Variants in ADCY4 observed in about 807,000 individuals in gnomAD.
ADCY4 encodes the protein adenylate cyclase 4, also known as adenylate cyclase type 4.
Under a neutral mutation model 125.5 loss-of-function variants are expected in ADCY4, and 111 were observed. That is an observed-to-expected ratio of 0.88 (90% CI 0.76 to 1.04). The LOEUF is 1.04. Among genes scored for constraint, ADCY4 ranks in the 50% least tolerant of loss-of-function variants. The pLI, the probability that ADCY4 is intolerant of heterozygous loss-of-function variation, is 0.00. For synonymous variants in ADCY4, 576 were observed against 586.9 expected, an observed-to-expected ratio of 0.98 and a Z score of 0.27; for missense variants, 1,256 against 1,382.9, an observed-to-expected ratio of 0.91 and a Z score of 1.46.
rs2041821897 is a variant in ADCY4 at position 24,319,600 on chromosome 14, G to C, written c.2733+142C>G. The C allele has an allele frequency of 8.0e-7, 1 of 1,252,230 alleles. No homozygotes were observed. The highest frequency in any genetic ancestry group is 2.5e-5 in the East Asian group (1 of 40,532). The allele number at this position is 1,252,230 out of a possible 1,614,324, so 77.6% of individuals were successfully genotyped here. ...GTGGGCAGTGTTGCTGGAGTGGGTA[G>C]ATCTGGGGGATCAGAGGAGGTGAGG... On this transcript the variant is annotated intron_variant, in intron 21 of 24. Transcript: ENST00000418030. The surrounding 1 kb of genome is among the most constrained non-coding windows in gnomAD (Gnocchi z 4.5).
At chr14:24,325,294 G>A (rs1450531769) in intron 14 of ADCY4, 83 bp downstream of exon 14, 3 of 1,179,722 alleles carry the variant, frequency 2.5e-6, no homozygotes, top group South Asian at 1.3e-5. Flanking sequence ...AAGGGGTGAA[G>A]GAAGAAAGTG....
rs149539471 is a variant in ADCY4, at chr14:24,332,869, G to C, written c.279C>G (p.Ser93=). ...QRLQRWTRPL[S]GLVWVALLAL... ...CTAGCAGCGCGACCCATACCAAGCC[G>C]GACAGGGGACGCGTCCAGCGCTGCA... is the stretch of plus-strand genomic sequence containing the variant. Residue 93 remains serine (S), a synonymous_variant, in exon 2 of 25, where the codon TCC becomes TCG. Coordinates refer to ENST00000418030, the MANE Select transcript of ADCY4 (RefSeq NM_001198568.2). 59 of 1,605,358 alleles carry C rather than the reference G, an allele frequency of 3.7e-5. No homozygotes were observed. In the African/African-American group the frequency reaches 7.2e-4, roughly 20 times the overall value.
At chr14:24,323,727 G>T in intron 16 of ADCY4, 2 of 902,360 alleles carry the variant, frequency 2.2e-6, no homozygotes, top group Non-Finnish European at 2.7e-6. Context: ...TTCTTCTTCT[G>T]TAACTTGGCT....
At chr14:24,333,552 T>C (rs2042084744) in intron 1 of ADCY4, among the ~76,000 whole-genome samples, 1 of 152,232 alleles carries the variant, frequency 6.6e-6, no homozygotes, top group African/African-American at 2.4e-5. Flanking sequence ...CCTATTATCT[T>C]GCTGGGACAG....
chr14:24,331,176 G>A (rs1416130876), intron 5 of ADCY4, 32 bp downstream of exon 5: 3 of 1,613,812 alleles, frequency 1.9e-6, no homozygotes, highest in East Asian at 2.2e-5. Flanking sequence ...TTAGCCCACA[G>A]GCCCCTCCCC....
intron 23 of ADCY4, 110 bp from the exon 24 acceptor site, chr14:24,318,888 G>GCC: frequency 6.8e-7 from 1 of 1,460,928 alleles, no homozygotes; most frequent in Non-Finnish European, 9.4e-7. Context: ...AGGAGAGGAG[G>GCC]GGTCTCTAAG....
intron 17 of ADCY4, 113 bp from the exon 18 acceptor site, chr14:24,323,201 G>A (rs1223290595): frequency 2.1e-6 from 3 of 1,404,744 alleles, no homozygotes; most frequent in East Asian, 5.0e-5. Flanking sequence ...GAGACAGGGG[G>A]CATCATACAC....
chr14:24,320,482 G>A (rs1260870067), intron 20 of ADCY4, among the ~76,000 whole-genome samples: 1 of 152,220 alleles, frequency 6.6e-6, no homozygotes, highest in African/African-American at 2.4e-5. Context: ...CCTTGTGTCT[G>A]TAAGAGAAGA....
At chr14:24,325,941 G>C in intron 12 of ADCY4, 54 bp from the exon 13 acceptor site, 1 of 1,580,096 alleles carries the variant, frequency 6.3e-7, no homozygotes, top group Non-Finnish European at 8.6e-7. Context: ...GGGCACAGAA[G>C]GGCAGGAAGA....
rs866518399 is a variant in ADCY4, at chr14:24,332,772, C to G, written c.357+19G>C. 6.5e-7 allele frequency: 1 copy of G among 1,535,220 alleles called. No individual in the cohort carries two copies. ...GAAGCCCGGGCCGTCCCCGCTGCCC[C>G]GCCTGCCGCCCCTCTCACCTGGTCC... On this transcript the variant is annotated intron_variant, in intron 2 of 24. Transcript: ENST00000418030.
At chr14:24,328,739 G>A in intron 10 of ADCY4, 1 of 290,352 alleles carries the variant, frequency 3.4e-6, no homozygotes, top group Non-Finnish European at 6.5e-6. Flanking sequence ...TTATCTCTTT[G>A]TCTTGTGTCT....
chr14:24,328,107 C>A lies in ADCY4; in HGVS notation c.1524+954G>T, dbSNP rs557043234. On this transcript the variant is annotated intron_variant, in intron 10 of 24. Transcript: ENST00000418030. ...ATGCCTGGACAGGGCCACCAGAGGG[C>A]TCCTTGGTCTAGCGGTGACGCCAGC... Among the ~76,000 whole-genome samples the A allele has an allele frequency of 4.6e-5, 7 of 152,238 alleles. No individual in the cohort carries two copies. In the East Asian group the frequency reaches 7.7e-4, roughly 17 times the overall value.
rs1245869444 is a variant in ADCY4 at position 24,334,649 on chromosome 14, C to T, written c.4G>A (p.Ala2Thr). The change falls in exon 1 of 25, where the codon GCC (alanine) becomes ACC (threonine). Residue 2 changes from alanine to threonine, a missense_variant. Physicochemically the swap from Ala to Thr is moderately conservative, Grantham distance 58. Coordinates refer to ENST00000418030, the MANE Select transcript of ADCY4 (RefSeq NM_001198568.2). ...GGCGGCCGGGGGCTGAAGAGGCGGG[C>T]CATGATCTCCCCAGCCCCGAGCCCC... The part of the protein sequence containing the change: M[A>T]RLFSPRPPPS... 1.9e-6 allele frequency: 3 copies of T among 1,545,178 alleles called. No individual in the cohort carries two copies. Among genetic ancestry groups the T allele is most frequent in the Non-Finnish European group, 2.6e-6 (3 of 1,147,544 alleles).
chr14:24,329,580 C>G (rs558610937), intron 8 of ADCY4, 47 bp from the exon 9 acceptor site: 7 of 1,500,406 alleles, frequency 4.7e-6, no homozygotes, highest in Non-Finnish European at 6.2e-6. Context: ...GCCTTCAAAT[C>G]TCCTATTTCC....
intron 20 of ADCY4, chr14:24,321,694 G>T: frequency 1.7e-6 from 1 of 587,146 alleles, no homozygotes; most frequent in Non-Finnish European, 2.2e-6. Flanking sequence ...AGCTCAGGCG[G>T]TAGTGCTGGC....
chr14:24,328,801 G>C (rs766990673), intron 10 of ADCY4: 36 of 477,808 alleles, frequency 7.5e-5, no homozygotes, highest in Non-Finnish European at 1.2e-4. Flanking sequence ...CACCGACCCT[G>C]TGGGGCTGGT....
chr14:24,331,782 G>A lies in ADCY4; in HGVS notation c.669+6C>T, dbSNP rs746959630. ...CGCTGCTCTGACCTTCCTAGGCCCG[G>A]CTGACCTGGTGCTTCTTCTCGGTGT... On this transcript the variant is annotated splice_donor_region_variant and intron_variant, in intron 4 of 24. Coordinates refer to ENST00000418030, the MANE Select transcript of ADCY4 (RefSeq NM_001198568.2). 8 of 1,573,280 alleles carry A rather than the reference G, an allele frequency of 5.1e-6. No homozygotes were observed. Among genetic ancestry groups the A allele is most frequent in the Non-Finnish European group, 5.2e-6 (6 of 1,153,534 alleles).
At chr14:24,331,410 C>T in intron 4 of ADCY4, 54 bp from the exon 5 acceptor site, 1 of 1,603,314 alleles carries the variant, frequency 6.2e-7, no homozygotes, top group Non-Finnish European at 8.5e-7. Flanking sequence ...GCCAGGAGGC[C>T]CTGTCCCCCA....
At chr14:24,326,571 TTGTGTGTGTG>T (rs71119070) in intron 10 of ADCY4, 8,628 of 278,152 alleles carry the variant, frequency 0.031, 124 homozygotes, top group East Asian at 0.074. Context: ...CCCAGGATCT[TTGTGTGTGTG>T]TGTGTGTGTG....
Sources: allele counts gnomAD v4.1 joint callset (sites outside exome capture counted in the v4.1 genomes callset), GRCh38; gene constraint gnomAD v4.1.1; non-coding constraint Gnocchi (gnomAD v3.1); transcripts MANE v1.5; gene names NCBI Gene and HGNC (gene_info 2026-07-23, HGNC 2026-07-21).